Variants in UNC79 observed in about 807,000 individuals in gnomAD.
UNC79 encodes protein unc-79 homolog.
A neutral mutation model predicts 283.1 loss-of-function variants in UNC79; 37 were observed. That is an observed-to-expected ratio of 0.13 (90% CI 0.10 to 0.17). The LOEUF (loss-of-function observed/expected upper bound fraction) is 0.17, where lower values mean the gene tolerates loss of function less well. Ranked by LOEUF, UNC79 falls within the 10% of genes least tolerant of loss-of-function variation. UNC79 has a pLI of 1.00. For synonymous variants in UNC79, 1,107 were observed against 1,200.2 expected, an observed-to-expected ratio of 0.92 and a Z score of 1.61; for missense variants, 2,272 against 3,211.1, an observed-to-expected ratio of 0.71 and a Z score of 7.07.
intron 41 of UNC79, among the ~76,000 whole-genome samples, 182 bp from the exon 45 acceptor site, chr14:93,682,435 T>G (rs2073921275): frequency 6.6e-6 from 1 of 152,182 alleles, no homozygotes; most frequent in African/African-American, 2.4e-5. Context: ...GTGTTAATTT[T>G]AGTACTGTGA....
In UNC79 at chr14:93,621,642, A is replaced by G. The variant is rs758250298; in HGVS notation, c.4409A>G (p.Tyr1470Cys). The G allele has an allele frequency of 1.9e-6, 3 of 1,579,084 alleles. No homozygotes were observed. Among genetic ancestry groups the G allele is most frequent in the South Asian group, 1.2e-5 (1 of 84,588 alleles). Residue 1470 changes from tyrosine to cysteine, a missense_variant, in exon 30 of 49, where the codon TAT becomes TGT. Physicochemically the swap from Tyr to Cys is radical, Grantham distance 194. Around this residue, in one of 11 missense-constraint regions of UNC79, gnomAD observed 580 missense variants for 632.2 expected, o/e 0.92. Coordinates refer to ENST00000555664, the Ensembl canonical transcript of UNC79. The surrounding 1 kb of genome is among the most constrained non-coding windows in gnomAD (Gnocchi z 4.8). ...TCAGGTGAAATAGAACTGGCTGAAT[A>G]TAGAGAGACGGGTGCATTACAAGAC...
At chr14:93,578,885 T>G (rs1455615374) in intron 18 of UNC79, among the ~76,000 whole-genome samples, 3 of 152,238 alleles carry the variant, frequency 2.0e-5, no homozygotes, top group African/African-American at 7.2e-5. Context: ...AAGCACTCAT[T>G]GCAATTACAG....
intron 14 of UNC79, among the ~76,000 whole-genome samples, chr14:93,548,556 A>C (rs557307612): frequency 6.6e-6 from 1 of 152,352 alleles, no homozygotes; most frequent in South Asian, 2.1e-4. Context: ...CTGGTTTTGC[A>C]TCAGTACACT....
At chr14:93,703,509 A>G (rs1351995435) in intron 47 of UNC79, among the ~76,000 whole-genome samples, 1 of 152,150 alleles carries the variant, frequency 6.6e-6, no homozygotes, top group African/African-American at 2.4e-5. Flanking sequence ...TTATAAGGAC[A>G]CCCGTTATAT....
intron 1 of UNC79, among the ~76,000 whole-genome samples, chr14:93,412,535 G>A (rs1167733630): frequency 1.3e-5 from 2 of 151,968 alleles, no homozygotes; most frequent in Non-Finnish European, 2.9e-5. Flanking sequence ...CCTAAAAGCA[G>A]CAAGAGAAAA....
At chr14:93,381,219 G>A (rs575247618) in intron 1 of UNC79, among the ~76,000 whole-genome samples, 9 of 152,280 alleles carry the variant, frequency 5.9e-5, no homozygotes, top group Non-Finnish European at 1.2e-4. Context: ...TTTAGCTGAC[G>A]AACTACTTCT....
intron 5 of UNC79, among the ~76,000 whole-genome samples, chr14:93,489,416 A>G (rs957444032): frequency 1.3e-5 from 2 of 152,220 alleles, no homozygotes; most frequent in African/African-American, 2.4e-5. Flanking sequence ...TCTAAATCAG[A>G]TATGGGTGAG....
chr14:93,496,583 T>A (rs2059023726), intron 6 of UNC79, 117 bp downstream of exon 6: 1 of 589,978 alleles, frequency 1.7e-6, no homozygotes, highest in African/African-American at 1.9e-5. Flanking sequence ...CCTATTATTT[T>A]GATGTGGCAG....
rs767249697 is a variant in UNC79, at chr14:93,621,048, A to AT, written c.4388-567dup. ...GAGATGAATGTTCAGAGAAGTATGA[A>AT]TTTTTTCTCTTAGTAATTTTATGCA... On this transcript the variant is annotated intron_variant, in intron 29 of 48. Coordinates refer to ENST00000555664, the Ensembl canonical transcript of UNC79. The surrounding 1 kb of genome is among the most constrained non-coding windows in gnomAD (Gnocchi z 4.8). 2.8e-5 allele frequency: 14 copies of AT among 504,062 alleles called. No individual in the cohort carries two copies. Among genetic ancestry groups the AT allele is most frequent in the South Asian group, 2.0e-4 (14 of 69,816 alleles). 31.2% of individuals were successfully genotyped at this position (504,062 alleles called of 1,614,324 possible). A position where few individuals can be genotyped will look rare whatever the true frequency, so the allele number is the denominator to read the frequency against.
chr14:93,698,476 G>GATTTTT lies in UNC79; in HGVS notation c.7548+4064_7548+4065insATTTTT, dbSNP rs1555408706. On this transcript the variant is annotated intron_variant, in intron 47 of 48. Coordinates refer to ENST00000555664, the Ensembl canonical transcript of UNC79. ...TGGTAATATTTTTAGTTTAGTTTAGGTTTTTTTTTTTTTTTTTTTTTTTTT... is the reference window on the plus strand; with the variant it reads ...TGGTAATATTTTTAGTTTAGTTTAGGATTTTTTTTTTTTTTTTTTTTTTTTTTTTTT... Among the ~76,000 whole-genome samples the GATTTTT allele has an allele frequency of 1.5e-4, 12 of 79,108 alleles. 1 individual carries two copies. Among genetic ancestry groups the GATTTTT allele is most frequent in the South Asian group, 6.0e-4 (1 of 1,664 alleles). 51.9% of individuals were successfully genotyped at this position (79,108 alleles called of 152,430 possible). A position where few individuals can be genotyped will look rare whatever the true frequency, so the allele number is the denominator to read the frequency against.
At chr14:93,445,579 T>G (rs1322566012) in intron 1 of UNC79, among the ~76,000 whole-genome samples, 2 of 152,250 alleles carry the variant, frequency 1.3e-5, no homozygotes, top group Non-Finnish European at 2.9e-5. Context: ...TGTTTTCTTG[T>G]GATATTTTTG....
intron 26 of UNC79, 130 bp downstream of exon 27, chr14:93,605,091 C>G (rs961474158): frequency 3.3e-6 from 3 of 905,458 alleles, no homozygotes; most frequent in Admixed American, 3.3e-5. Context: ...GGTCTTACCC[C>G]AGATGTTCAA....
At chr14:93,364,602 G>A (rs1387051031) in intron 1 of UNC79, among the ~76,000 whole-genome samples, 3 of 149,328 alleles carry the variant, frequency 2.0e-5, no homozygotes, top group Non-Finnish European at 4.4e-5. Flanking sequence ...TGGGATAATC[G>A]TCAGTGGGAT....
chr14:93,368,620 GCCA>G (rs2054381018), intron 1 of UNC79, among the ~76,000 whole-genome samples: 1 of 152,018 alleles, frequency 6.6e-6, no homozygotes, highest in Non-Finnish European at 1.5e-5. Flanking sequence ...ACAGGTGCAT[GCCA>G]CCACACCCAG....
intron 30 of UNC79, among the ~76,000 whole-genome samples, chr14:93,624,636 A>G (rs1056718238): frequency 6.6e-6 from 1 of 152,220 alleles, no homozygotes; most frequent in Non-Finnish European, 1.5e-5. Flanking sequence ...AGAACAGGGG[A>G]AAAATACATG....
rs201111411 is a variant in UNC79 at position 93,655,426 on chromosome 14, T to A, written c.6456+19T>A. On this transcript the variant is annotated intron_variant, in intron 38 of 48. Coordinates refer to ENST00000555664, the Ensembl canonical transcript of UNC79. ...TCTGAAGGTAAGCTGAGCCGAAGGT[T>A]TCATTTTCAATTAATTTCTTACCAT... 3.7e-6 allele frequency: 6 copies of A among 1,607,370 alleles called. No homozygotes were observed. The highest frequency in any genetic ancestry group is 5.1e-6 in the Non-Finnish European group (6 of 1,176,406).
intron 37 of UNC79, among the ~76,000 whole-genome samples, chr14:93,655,006 G>GTTTCCTA (rs931963135): frequency 4.5e-4 from 68 of 152,294 alleles, no homozygotes; most frequent in African/African-American, 1.6e-3. Flanking sequence ...CTTGGAAGCT[G>GTTTCCTA]TTTCCTATTT....
chr14:93,704,730 G>T, intron 48 of UNC79, 64 bp downstream of exon 51: 1 of 1,572,986 alleles, frequency 6.4e-7, no homozygotes, highest in East Asian at 2.2e-5. Flanking sequence ...ACGTTCCTAG[G>T]GATTGTTGAT....
chr14:93,538,868 CAT>C (rs2061226870), intron 12 of UNC79, among the ~76,000 whole-genome samples: 1 of 148,100 alleles, frequency 6.8e-6, no homozygotes, highest in Non-Finnish European at 1.5e-5. Flanking sequence ...GTCTGATACT[CAT>C]AGAGGCAAGA....
Sources: gnomAD v4.1 joint callset for allele counts (sites outside exome capture counted in the v4.1 genomes callset) on GRCh38, gnomAD v4.1.1 for gene constraint, gnomAD v4.1.1 regional missense constraint, Gnocchi (gnomAD v3.1) non-coding constraint, MANE v1.5 for transcripts, NCBI Gene and HGNC (gene_info 2026-07-23, HGNC 2026-07-21) for gene names.